The following SLC30A8 variants were observed in gnomAD, a reference collection of about 807,000 sequenced individuals.
The protein encoded by SLC30A8 is solute carrier family 30 member 8, also known as proton-coupled zinc antiporter SLC30A8.
Under a neutral mutation model 36.9 loss-of-function variants are expected in SLC30A8, and 27 were observed. The observed-to-expected ratio is 0.73, with a 90% CI of 0.54 to 1.01. The LOEUF (loss-of-function observed/expected upper bound fraction) is 1.01. Among genes scored for constraint, SLC30A8 ranks in the 50% least tolerant of loss-of-function variants. The pLI, the probability that SLC30A8 is intolerant of heterozygous loss-of-function variation, is 0.00. For missense variants in SLC30A8, 439 were observed against 452.0 expected, an observed-to-expected ratio of 0.97 and a Z score of 0.26; for synonymous variants, 164 against 172.4, an observed-to-expected ratio of 0.95 and a Z score of 0.38.
At chr8:117,103,233 T>C (rs1281589200) in intron 2 of SLC30A8, among the ~76,000 whole-genome samples, 1 of 152,024 alleles carries the variant, frequency 6.6e-6, no homozygotes, top group Non-Finnish European at 1.5e-5. Context: ...TAGAAAATTT[T>C]CATTCTAAAA....
At chr8:117,050,383 GTTC>G (rs942413384) in intron 2 of SLC30A8, among the ~76,000 whole-genome samples, 3 of 151,452 alleles carry the variant, frequency 2.0e-5, no homozygotes, top group Admixed American at 6.6e-5. Context: ...TGATTTCGGG[GTTC>G]TTCTTCACTA....
chr8:117,076,395 C>A (rs1403973824), intron 2 of SLC30A8, among the ~76,000 whole-genome samples: 1 of 152,160 alleles, frequency 6.6e-6, no homozygotes, highest in Non-Finnish European at 1.5e-5. Context: ...AAATTCATTC[C>A]TTCTGCCTTT....
chr8:117,163,021 A>G (rs1371422236), intron 5 of SLC30A8, among the ~76,000 whole-genome samples: 1 of 152,224 alleles, frequency 6.6e-6, no homozygotes, highest in Non-Finnish European at 1.5e-5. Context: ...TGAACAAGTT[A>G]TGTCCTTTCT....
At chr8:117,154,198 T>C (rs1822351800) in intron 3 of SLC30A8, among the ~76,000 whole-genome samples, 1 of 152,086 alleles carries the variant, frequency 6.6e-6, no homozygotes, top group African/African-American at 2.4e-5. Flanking sequence ...ATCATCTAGG[T>C]ATTGATAAGG....
At chr8:116,987,297 TG>T (rs1815478313) in intron 1 of SLC30A8, among the ~76,000 whole-genome samples, 1 of 30,946 alleles carries the variant, frequency 3.2e-5, no homozygotes, top group Non-Finnish European at 6.1e-5. Flanking sequence ...TGGGGTGGGG[TG>T]GGGTGGGGGG....
intron 1 of SLC30A8, among the ~76,000 whole-genome samples, chr8:116,975,865 C>A (rs1814983255): frequency 6.6e-6 from 1 of 152,174 alleles, no homozygotes; most frequent in South Asian, 2.1e-4. Context: ...TAACTTTTTT[C>A]AGAGGTGTCC....
At chr8:117,101,714 A>C (rs1819731417) in intron 2 of SLC30A8, among the ~76,000 whole-genome samples, 1 of 152,160 alleles carries the variant, frequency 6.6e-6, no homozygotes. Flanking sequence ...GTGTGGCCAG[A>C]ATAAAAGCAG....
chr8:117,073,957 C>T (rs886554454), intron 2 of SLC30A8, among the ~76,000 whole-genome samples: 31 of 129,650 alleles, frequency 2.4e-4, no homozygotes, highest in Non-Finnish European at 4.3e-4. Flanking sequence ...AGGTAGATGG[C>T]ATTGGGAAAG....
intron 2 of SLC30A8, among the ~76,000 whole-genome samples, chr8:117,075,420 A>G (rs1818458846): frequency 6.6e-6 from 1 of 152,154 alleles, no homozygotes; most frequent in African/African-American, 2.4e-5. Context: ...GCTTGTAAAT[A>G]TTTCTTAGCT....
At chr8:117,154,559 C>T (rs747241004) in intron 3 of SLC30A8, among the ~76,000 whole-genome samples, 2 of 152,178 alleles carry the variant, frequency 1.3e-5, no homozygotes, top group African/African-American at 2.4e-5. Context: ...ACTTGATCAT[C>T]GCAGGTGTTT....
rs1473335093 is a variant in SLC30A8, at chr8:117,040,176, C to T, written c.-226+918C>T. On this transcript the variant is annotated intron_variant, in intron 2 of 10. Coordinates refer to the SLC30A8 transcript ENST00000427715. ...GAGAGCTTGTGACTAGTTCGGAATA[C>T]AGAGGAGCTCTTAGATATCTTCTCA... 4.6e-5 allele frequency among the ~76,000 whole-genome samples: 7 copies of T among 152,340 alleles called. 1 individual carries two copies. The South Asian group carries it at 1.2e-3, about 27-fold the overall frequency.
intron 2 of SLC30A8, among the ~76,000 whole-genome samples, chr8:117,113,836 A>G (rs1820331911): frequency 6.6e-6 from 1 of 152,166 alleles, no homozygotes; most frequent in Non-Finnish European, 1.5e-5. Context: ...TGGTGAGGTA[A>G]CATACAAAAT....
At chr8:116,959,856 T>C (rs562396940) in intron 1 of SLC30A8, among the ~76,000 whole-genome samples, 5 of 152,344 alleles carry the variant, frequency 3.3e-5, no homozygotes, top group South Asian at 2.1e-4. Context: ...AATTTTCTTA[T>C]ATGCATGTGT....
intron 1 of SLC30A8, among the ~76,000 whole-genome samples, chr8:117,038,817 A>T (rs1448789203): frequency 6.6e-6 from 1 of 152,212 alleles, no homozygotes; most frequent in Non-Finnish European, 1.5e-5. Context: ...AACCAATAAG[A>T]TGATTTTAAA....
intron 2 of SLC30A8, among the ~76,000 whole-genome samples, chr8:117,050,679 T>C (rs1327242297): frequency 1.3e-5 from 2 of 152,210 alleles, no homozygotes; most frequent in African/African-American, 4.8e-5. Flanking sequence ...GTGCTGAGAT[T>C]ACAGGCGTGA....
rs1563735131 is a variant in SLC30A8 at position 116,985,335 on chromosome 8, A to AC, written c.-266+34216_-266+34217insC. Among the ~76,000 whole-genome samples the AC allele has an allele frequency of 2.2e-4, 29 of 129,468 alleles. 1 individual carries two copies. Among genetic ancestry groups the AC allele is most frequent in the African/African-American group, 7.5e-4 (27 of 35,862 alleles). The allele number at this position is 129,468 out of a possible 152,430, so 84.9% of individuals were successfully genotyped here. ...ACACACACACACACACACACACACA[A>AC]GTATGTATATCTTTTTTAAAACCCA... On this transcript the variant is annotated intron_variant, in intron 1 of 10. Transcript: ENST00000427715.
upstream of SLC30A8, among the ~76,000 whole-genome samples, chr8:117,132,567 C>T (rs553713230): frequency 6.6e-6 from 1 of 152,114 alleles, no homozygotes; most frequent in African/African-American, 2.4e-5. Context: ...CCCACTAAAA[C>T]CAATGTCTAC....
intron 1 of SLC30A8, among the ~76,000 whole-genome samples, chr8:117,025,217 G>A (rs954143214): frequency 6.6e-6 from 1 of 152,160 alleles, no homozygotes; most frequent in African/African-American, 2.4e-5. Flanking sequence ...TGAAACACTA[G>A]CTCCATAAGT....
At chr8:117,168,842 A>G (rs948161320) in intron 6 of SLC30A8, among the ~76,000 whole-genome samples, 1 of 152,136 alleles carries the variant, frequency 6.6e-6, no homozygotes, top group African/African-American at 2.4e-5. Flanking sequence ...TTGGGATCTG[A>G]TATCCCTGGT....
Sources: gnomAD v4.1 joint callset for allele counts (sites outside exome capture counted in the v4.1 genomes callset) on GRCh38, gnomAD v4.1.1 for gene constraint, MANE v1.5 for transcripts, NCBI Gene and HGNC (gene_info 2026-07-23, HGNC 2026-07-21) for gene names.